Variants in TNNT1 observed in about 807,000 individuals in gnomAD.
The protein encoded by TNNT1 is troponin T, slow skeletal muscle.
TNNT1 carries 53 observed loss-of-function variants against 50.6 expected under a neutral mutation model. That is an observed-to-expected ratio of 1.05 (90% CI 0.84 to 1.32). The LOEUF is 1.32. Among genes scored for constraint, TNNT1 ranks in the 40% most tolerant of loss-of-function variants. The probability of loss-of-function intolerance (pLI) is 0.00; values close to 1 mark genes in which losing one functional copy is unlikely to be tolerated. For missense variants in TNNT1, 348 were observed against 381.7 expected (o/e 0.91, Z 0.74); for synonymous variants, 142 against 138.0 (o/e 1.03, Z -0.20).
At chr19:55,139,144 C>T (rs1324978101) in intron 9 of TNNT1, among the ~76,000 whole-genome samples, 1 of 152,166 alleles carries the variant, frequency 6.6e-6, no homozygotes, top group Non-Finnish European at 1.5e-5. Context: ...GGATTACAGA[C>T]ATGTGCCACC....
chr19:55,135,829 ATACTT>A (rs1181516736), intron 11 of TNNT1, among the ~76,000 whole-genome samples: 1 of 151,926 alleles, frequency 6.6e-6, no homozygotes, highest in Admixed American at 6.6e-5. Context: ...CCGGCCAACA[ATACTT>A]TACATGAACC....
At chr19:55,146,959 G>A (rs2085568689) in intron 3 of TNNT1, 49 bp downstream of exon 3, 1 of 1,557,638 alleles carries the variant, frequency 6.4e-7, no homozygotes, top group Admixed American at 1.9e-5. Flanking sequence ...CCTCCCAAGA[G>A]CTCCTGGGCG....
chr19:55,137,865 C>A, intron 10 of TNNT1, 96 bp downstream of exon 10: 1 of 1,484,294 alleles, frequency 6.7e-7, no homozygotes. Context: ...CCCAGGAATC[C>A]AGGCCTCAGC....
At chr19:55,145,864 A>T (rs1027670007) in intron 5 of TNNT1, among the ~76,000 whole-genome samples, 1 of 148,786 alleles carries the variant, frequency 6.7e-6, no homozygotes, top group Non-Finnish European at 1.5e-5. Flanking sequence ...ACCTTTCTCT[A>T]TTTATATGCC....
intron 11 of TNNT1, among the ~76,000 whole-genome samples, chr19:55,134,415 A>G (rs1199085123): frequency 6.6e-6 from 1 of 151,932 alleles, no homozygotes; most frequent in Non-Finnish European, 1.5e-5. Context: ...TTAAGAGACC[A>G]GGCTCGGCAC....
intron 9 of TNNT1, among the ~76,000 whole-genome samples, chr19:55,140,304 A>T (rs999385780): frequency 2.0e-5 from 3 of 151,892 alleles, no homozygotes; most frequent in Non-Finnish European, 2.9e-5. Flanking sequence ...TACAAAAAAT[A>T]AAAAAATAAA....
chr19:55,143,936 T>C (rs868428472), intron 6 of TNNT1, among the ~76,000 whole-genome samples: 1 of 152,132 alleles, frequency 6.6e-6, no homozygotes, highest in Non-Finnish European at 1.5e-5. Flanking sequence ...GCAGCCCCAC[T>C]GTCCACTTTG....
Position 55,144,278 on chromosome 19 carries a change from C to T in TNNT1, c.128+1266G>A, listed in dbSNP as rs141397280. Among the ~76,000 whole-genome samples, 690 of 152,148 alleles carry T rather than the reference C, an allele frequency of 4.5e-3. 9 individuals are homozygous for T. The highest frequency in any genetic ancestry group is 0.027 in the Middle Eastern group (8 of 294). Reference sequence around the variant, plus strand: ...AGAGACAGAGTTTCACCATGTTGACCGGGCTGGTCTCAAACTCCTGACCTT... The same window carrying T: ...AGAGACAGAGTTTCACCATGTTGACTGGGCTGGTCTCAAACTCCTGACCTT... On this transcript the variant is annotated intron_variant, in intron 6 of 13. Coordinates refer to ENST00000588981, the MANE Select transcript of TNNT1 (RefSeq NM_003283.6).
chr19:55,133,020 C>T, intron 13 of TNNT1, 60 bp from the exon 14 acceptor site: 2 of 1,454,732 alleles, frequency 1.4e-6, no homozygotes, highest in Non-Finnish European at 1.9e-6. Context: ...GAAATGGGCC[C>T]CAGGCCCTCA....
chr19:55,139,645 C>T (rs2085415166), intron 9 of TNNT1, among the ~76,000 whole-genome samples: 1 of 152,098 alleles, frequency 6.6e-6, no homozygotes, highest in South Asian at 2.1e-4. Flanking sequence ...CTTCCCATCT[C>T]AAGATCTTTA....
At position 55,141,766 on chromosome 19, in the gene TNNT1, C is replaced by T. The variant is rs538476301; in HGVS notation, c.192+91G>A. 441 of 1,480,124 alleles carry T rather than the reference C, an allele frequency of 3.0e-4. 1 individual carries two copies. The highest frequency in any genetic ancestry group is 9.4e-6 in the Non-Finnish European group (10 of 1,061,212). The allele number at this position is 1,480,124 out of a possible 1,614,324, so 91.7% of individuals were successfully genotyped here. A position where few individuals can be genotyped will look rare whatever the true frequency, so the allele number is the denominator to read the frequency against. Reference sequence around the variant, plus strand: ...AAGTGCTGGGATTACAGGCATGAGGCCCCGCGCCCGGCCGGCGCCTTTTCA... The same window carrying T: ...AAGTGCTGGGATTACAGGCATGAGGTCCCGCGCCCGGCCGGCGCCTTTTCA... On this transcript the variant is annotated intron_variant, in intron 7 of 13. Coordinates refer to ENST00000588981, the MANE Select transcript of TNNT1 (RefSeq NM_003283.6).
rs114376389 is a variant in TNNT1 at position 55,143,291 on chromosome 19, C to A, written c.129-1371G>T. ...CTGGGACTATAGGCGTGAGCCACTG[C>A]GCCCAGCCTTTAGTAAGAAATTGTA... On this transcript the variant is annotated intron_variant, in intron 6 of 13. Coordinates refer to ENST00000588981, the MANE Select transcript of TNNT1 (RefSeq NM_003283.6). Among the ~76,000 whole-genome samples, 3 of 152,270 alleles carry A rather than the reference C, an allele frequency of 2.0e-5. No individual in the cohort carries two copies. The East Asian group carries it at 5.8e-4, about 29-fold the overall frequency.
intron 1 of TNNT1, 70 bp downstream of exon 1, chr19:55,149,091 C>T: frequency 2.2e-6 from 1 of 453,418 alleles, no homozygotes; most frequent in Non-Finnish European, 4.5e-6. Context: ...ACATCTTCCC[C>T]ACCTGCCTCC....
At chr19:55,135,389 C>A in intron 11 of TNNT1, 1 of 231,846 alleles carries the variant, frequency 4.3e-6, no homozygotes, top group Admixed American at 5.7e-5. Flanking sequence ...TCCTTCCTTC[C>A]TTCCTTCCTT....
chr19:55,140,152 G>A (rs987939836), intron 9 of TNNT1, among the ~76,000 whole-genome samples: 2 of 147,756 alleles, frequency 1.4e-5, no homozygotes, highest in African/African-American at 5.0e-5. Flanking sequence ...TAAAAAAAAA[G>A]GGAAAAGAAG....
intron 11 of TNNT1, among the ~76,000 whole-genome samples, chr19:55,136,510 A>G (rs1282100044): frequency 6.6e-6 from 1 of 152,236 alleles, no homozygotes; most frequent in African/African-American, 2.4e-5. Flanking sequence ...GCGCAAGATC[A>G]CAAAGTAGCC....
chr19:55,146,097 TA>T (rs1341332498), intron 5 of TNNT1, among the ~76,000 whole-genome samples: 2 of 150,544 alleles, frequency 1.3e-5, no homozygotes. Flanking sequence ...GGGGAGAAAA[TA>T]ACAGACAAGG....
chr19:55,132,903 G>C lies in TNNT1; in HGVS notation c.*12C>G, dbSNP rs547467795. On this transcript the variant is annotated 3_prime_UTR_variant, in exon 14 of 14. Transcript: ENST00000588981. ...CCAGGCTTCCCAGGTGCCACTGTCCGGGGCGGCATCCTCACTTCCAGCGGC... is the reference window on the plus strand; with the variant it reads ...CCAGGCTTCCCAGGTGCCACTGTCCCGGGCGGCATCCTCACTTCCAGCGGC... 4.4e-6 allele frequency: 7 copies of C among 1,598,910 alleles called. No homozygotes were observed. Among genetic ancestry groups the C allele is most frequent in the Non-Finnish European group, 5.1e-6 (6 of 1,174,018 alleles).
At chr19:55,136,271 A>T (rs1176410131) in intron 11 of TNNT1, among the ~76,000 whole-genome samples, 1 of 151,964 alleles carries the variant, frequency 6.6e-6, no homozygotes, top group African/African-American at 2.4e-5. Flanking sequence ...TATTTTTTTA[A>T]GGATGGGGTC....
Sources: allele counts gnomAD v4.1 joint callset (sites outside exome capture counted in the v4.1 genomes callset), GRCh38; gene constraint gnomAD v4.1.1; transcripts MANE v1.5; gene names NCBI Gene and HGNC (gene_info 2026-07-23, HGNC 2026-07-21).